Variants in ZNF385D observed in about 807,000 individuals in gnomAD.
ZNF385D encodes zinc finger protein 659.
A neutral mutation model predicts 35.8 loss-of-function variants in ZNF385D; 15 were observed. That is an observed-to-expected ratio of 0.42 (90% CI 0.28 to 0.64). The LOEUF (loss-of-function observed/expected upper bound fraction) is 0.64. Among genes scored for constraint, ZNF385D ranks in the 30% least tolerant of loss-of-function variants. The pLI, the probability that ZNF385D is intolerant of heterozygous loss-of-function variation, is 0.23. For synonymous variants in ZNF385D, 212 were observed against 186.8 expected, an observed-to-expected ratio of 1.13 and a Z score of -1.10; for missense variants, 474 against 494.6, an observed-to-expected ratio of 0.96 and a Z score of 0.39.
At chr3:22,313,777 G>A (rs1703726996) in intron 2 of ZNF385D, among the ~76,000 whole-genome samples, 1 of 151,982 alleles carries the variant, frequency 6.6e-6, no homozygotes, top group Admixed American at 6.6e-5. Flanking sequence ...AAAACAAAAT[G>A]GCATAAGCAA....
At chr3:21,470,816 T>C (rs1703835595) in intron 4 of ZNF385D, among the ~76,000 whole-genome samples, 1 of 152,092 alleles carries the variant, frequency 6.6e-6, no homozygotes, top group South Asian at 2.1e-4. Context: ...GTAATTGGTT[T>C]TGAATGATCA....
At chr3:21,441,219 CAATA>C (rs1251429667) in intron 4 of ZNF385D, among the ~76,000 whole-genome samples, 4 of 152,052 alleles carry the variant, frequency 2.6e-5, no homozygotes, top group African/African-American at 9.7e-5. Context: ...AATGGGCACT[CAATA>C]AATATTAAGA....
intron 2 of ZNF385D, among the ~76,000 whole-genome samples, chr3:22,314,348 C>A (rs1312706795): frequency 6.6e-6 from 1 of 152,112 alleles, no homozygotes; most frequent in Non-Finnish European, 1.5e-5. Context: ...GCTTAGCTCC[C>A]ACTTATGAGT....
chr3:22,180,886 G>T (rs1165858431), intron 2 of ZNF385D, among the ~76,000 whole-genome samples: 1 of 131,628 alleles, frequency 7.6e-6, no homozygotes, highest in Admixed American at 7.2e-5. Flanking sequence ...ATTTCGGCTT[G>T]TAAATCCAGT....
chr3:21,541,707 CAAA>C (rs368688179), intron 3 of ZNF385D, among the ~76,000 whole-genome samples: 1 of 151,730 alleles, frequency 6.6e-6, no homozygotes, highest in Admixed American at 6.6e-5. Context: ...CAAAATATAA[CAAA>C]AAAAGCAAGA....
At chr3:21,731,634 C>A (rs907624336) in intron 1 of ZNF385D, among the ~76,000 whole-genome samples, 2 of 152,148 alleles carry the variant, frequency 1.3e-5, no homozygotes, top group African/African-American at 2.4e-5. Context: ...TTTCATTGTG[C>A]TAAAAATCCT....
At chr3:22,230,601 C>T (rs1002761464) in intron 2 of ZNF385D, among the ~76,000 whole-genome samples, 12 of 152,142 alleles carry the variant, frequency 7.9e-5, no homozygotes, top group African/African-American at 2.9e-4. Context: ...ACGAGTGGGG[C>T]CTCACATCAA....
chr3:21,449,577 T>G (rs1433729592), intron 4 of ZNF385D, among the ~76,000 whole-genome samples: 2 of 152,220 alleles, frequency 1.3e-5, no homozygotes, highest in African/African-American at 4.8e-5. Context: ...ACAACCCAAC[T>G]GTGAAATTTA....
chr3:22,159,211 C>T (rs1705789872), intron 3 of ZNF385D, among the ~76,000 whole-genome samples: 1 of 151,962 alleles, frequency 6.6e-6, no homozygotes, highest in Non-Finnish European at 1.5e-5. Context: ...TCAAACTTCC[C>T]TAAACACACT....
chr3:22,305,968 G>A (rs1233608109), intron 2 of ZNF385D, among the ~76,000 whole-genome samples: 3 of 152,146 alleles, frequency 2.0e-5, no homozygotes, highest in African/African-American at 4.8e-5. Flanking sequence ...CGATTCTGTT[G>A]AACTGAAGGA....
chr3:21,988,289 T>C (rs1390565651), intron 3 of ZNF385D, among the ~76,000 whole-genome samples: 3 of 118,932 alleles, frequency 2.5e-5, no homozygotes, highest in Admixed American at 2.4e-4. Context: ...TTTTTCCCCA[T>C]CTTTGTGGTT....
At position 21,420,249 on chromosome 3, in the gene ZNF385D, C is replaced by G. The variant is rs962479536; in HGVS notation, c.*965G>C. The G allele has an allele frequency of 6.6e-5, 10 of 152,158 alleles. No homozygotes were observed. The highest frequency in any genetic ancestry group is 2.4e-4 in the African/African-American group (10 of 41,438). The allele number at this position is 152,158 out of a possible 1,614,324, so 9.4% of individuals were successfully genotyped here. On this transcript the variant is annotated 3_prime_UTR_variant, in exon 8 of 8. Transcript: ENST00000281523. ...AGAGATGCAACATTCTCCGTTTTTA[C>G]TGGATATGTACTAAATGAAAGATCT...
chr3:21,599,636 C>A (rs967300872), intron 2 of ZNF385D, among the ~76,000 whole-genome samples: 2 of 152,094 alleles, frequency 1.3e-5, no homozygotes, highest in Non-Finnish European at 2.9e-5. Context: ...CTTAAAAGCA[C>A]TAGGATATGT....
intron 3 of ZNF385D, among the ~76,000 whole-genome samples, chr3:21,937,007 G>A (rs1701293382): frequency 6.6e-6 from 1 of 152,100 alleles, no homozygotes; most frequent in Non-Finnish European, 1.5e-5. Context: ...AGGTTGTAAT[G>A]TAACATTGTA....
intron 3 of ZNF385D, among the ~76,000 whole-genome samples, chr3:22,024,603 A>G (rs1189034448): frequency 6.6e-6 from 1 of 152,184 alleles, no homozygotes; most frequent in Non-Finnish European, 1.5e-5. Context: ...TCTTCATAAT[A>G]GTATCATTAA....
chr3:22,002,417 C>A (rs947101762), intron 3 of ZNF385D, among the ~76,000 whole-genome samples: 2 of 152,042 alleles, frequency 1.3e-5, no homozygotes, highest in African/African-American at 4.8e-5. Context: ...TAACAAGAAG[C>A]AAGATTGAAT....
chr3:21,571,808 A>T (rs2063343098), intron 2 of ZNF385D, among the ~76,000 whole-genome samples: 1 of 152,184 alleles, frequency 6.6e-6, no homozygotes, highest in Non-Finnish European at 1.5e-5. Context: ...AAAGGACACG[A>T]TTCAGAAGCA....
chr3:22,343,467 A>C (rs1301149556), intron 2 of ZNF385D, among the ~76,000 whole-genome samples: 1 of 152,226 alleles, frequency 6.6e-6, no homozygotes, highest in Non-Finnish European at 1.5e-5. Context: ...ACAACTATGC[A>C]ACAACTAATT....
intron 2 of ZNF385D, among the ~76,000 whole-genome samples, chr3:22,315,348 G>C (rs1013470049): frequency 2.6e-5 from 4 of 152,178 alleles, no homozygotes; most frequent in African/African-American, 9.7e-5. Flanking sequence ...GGAGAAGTTG[G>C]TTTATTAAGA....
Sources: gnomAD v4.1 joint callset for allele counts (sites outside exome capture counted in the v4.1 genomes callset) on GRCh38, gnomAD v4.1.1 for gene constraint, MANE v1.5 for transcripts, NCBI Gene and HGNC (gene_info 2026-07-23, HGNC 2026-07-21) for gene names.